MYCBP2: variants seen among roughly 807,000 people sequenced by gnomAD.
The protein encoded by MYCBP2 is E3 ubiquitin-protein ligase MYCBP2.
A neutral mutation model predicts 525.3 loss-of-function variants in MYCBP2; 120 were observed. The ratio of observed to expected loss-of-function variants is 0.23; its 90% CI spans 0.20 to 0.27. MYCBP2 has a LOEUF of 0.27. MYCBP2 is among the 10% of genes least tolerant of loss of function. MYCBP2 has a pLI of 1.00. For synonymous variants in MYCBP2, 1,894 were observed against 1,955.8 expected (o/e 0.97, Z 0.83); for missense variants, 4,149 against 5,657.1 (o/e 0.73, Z 8.55).
chr13:77,167,485 A>AAG (rs922440184), intron 40 of MYCBP2, among the ~76,000 whole-genome samples: 2 of 152,258 alleles, frequency 1.3e-5, no homozygotes, highest in African/African-American at 4.8e-5. Flanking sequence ...AGGGAACAAA[A>AAG]AGAGAGAGAG....
intron 55 of MYCBP2, among the ~76,000 whole-genome samples, chr13:77,117,547 G>T (rs1017844188): frequency 2.6e-5 from 4 of 152,122 alleles, no homozygotes; most frequent in Non-Finnish European, 5.9e-5. Flanking sequence ...ACCTAAGTGT[G>T]AATGTACTTT....
intron 46 of MYCBP2, among the ~76,000 whole-genome samples, chr13:77,151,892 G>A (rs1284657037): frequency 6.6e-6 from 1 of 152,180 alleles, no homozygotes; most frequent in African/African-American, 2.4e-5. Context: ...AACCACAAAT[G>A]TACACACAAT....
chr13:77,084,037 T>A (rs1427250779), intron 62 of MYCBP2, among the ~76,000 whole-genome samples: 1 of 152,212 alleles, frequency 6.6e-6, no homozygotes, highest in African/African-American at 2.4e-5. Context: ...CTGCATAGTA[T>A]TCTGATGAAT....
chr13:77,166,331 G>T lies in MYCBP2; in HGVS notation c.6338C>A (p.Pro2113Gln). 6.3e-7 allele frequency: 1 copy of T among 1,584,114 alleles called. No homozygotes were observed. Among genetic ancestry groups the T allele is most frequent in the Non-Finnish European group, 8.6e-7 (1 of 1,167,392 alleles). Residue 2113 changes from proline to glutamine, a missense_variant and splice_region_variant, in exon 41 of 83, where the codon CCA becomes CAA. Physicochemically the swap from Pro to Gln is moderately conservative, Grantham distance 76. Transcript: ENST00000544440. ...AACAGAAGAAAAAAAAAACTTACCT[G>T]GCAACACCAAAACCATAGTAGGCCA... ...SGWPTMVLVL[P>Q]GNEALFSLET...
chr13:77,326,993 C>G lies in MYCBP2; in HGVS notation c.-218G>C. 1 of 452,542 alleles carries G rather than the reference C, an allele frequency of 2.2e-6. No homozygotes were observed. The allele number at this position is 452,542 out of a possible 1,614,324, so 28.0% of individuals were successfully genotyped here. A position where few individuals can be genotyped will look rare whatever the true frequency, so the allele number is the denominator to read the frequency against. ...GCCGCTACTGGGGCCGCTCATCTAACCCCGCCACCCCGGGAATGTGAGGAG... is the reference window on the plus strand; with the variant it reads ...GCCGCTACTGGGGCCGCTCATCTAAGCCCGCCACCCCGGGAATGTGAGGAG... On this transcript the variant is annotated 5_prime_UTR_variant, in exon 1 of 83. Transcript: ENST00000544440. This position sits in a 1 kb window ranked among gnomAD's most constrained non-coding sequence, Gnocchi z 4.2.
rs200496039 is a variant in MYCBP2, at chr13:77,267,404, A to T, written c.1357+437T>A. 7.8e-3 allele frequency among the ~76,000 whole-genome samples: 1,181 copies of T among 151,024 alleles called. 10 individuals are homozygous for T. The highest frequency in any genetic ancestry group is 0.053 in the East Asian group (272 of 5,166). ...AAACCCCTTTAACATAAAATAAAAT[A>T]AAATAAAATTAAATTAAATTAAATA... On this transcript the variant is annotated intron_variant, in intron 8 of 82. Coordinates refer to ENST00000544440, the MANE Select transcript of MYCBP2 (RefSeq NM_015057.5).
chr13:77,123,093 T>C (rs1169094819), intron 54 of MYCBP2, among the ~76,000 whole-genome samples: 2 of 152,214 alleles, frequency 1.3e-5, no homozygotes, highest in Non-Finnish European at 2.9e-5. Context: ...AAAGCTTTTG[T>C]TTTACTCACA....
At chr13:77,051,515 T>C (rs919395264) in intron 81 of MYCBP2, among the ~76,000 whole-genome samples, 5 of 152,162 alleles carry the variant, frequency 3.3e-5, no homozygotes, top group African/African-American at 1.2e-4. Flanking sequence ...AACATTTCAC[T>C]GAAGAGGGGA....
chr13:77,325,175 A>G (rs2082135718), intron 1 of MYCBP2, among the ~76,000 whole-genome samples: 1 of 152,248 alleles, frequency 6.6e-6, no homozygotes, highest in Non-Finnish European at 1.5e-5. Context: ...CCAACAGATA[A>G]GCCATGATAC....
At chr13:77,086,451 G>C (rs1421532442) in intron 62 of MYCBP2, among the ~76,000 whole-genome samples, 1 of 151,960 alleles carries the variant, frequency 6.6e-6, no homozygotes, top group Non-Finnish European at 1.5e-5. Context: ...TCTGCTTGGG[G>C]TTTACTGGGC....
Position 77,081,875 on chromosome 13 carries a change from T to C in MYCBP2, c.11155A>G (p.Ser3719Gly). ...TCAAAGCCAGACTGTATACTGATGCTAAAACTCTCTTCACTATCGCCATCA... is the reference window on the plus strand; with the variant it reads ...TCAAAGCCAGACTGTATACTGATGCCAAAACTCTCTTCACTATCGCCATCA... ...SDDGDSEESF[S>G]ISIQSGFEAM... The change falls in exon 64 of 83, where the codon AGC becomes GGC. Residue 3719 changes from serine (S) to glycine (G), a missense_variant. Transcript: ENST00000544440. This position sits in a 1 kb window ranked among gnomAD's most constrained non-coding sequence, Gnocchi z 4.6. The C allele has an allele frequency of 6.2e-7, 1 of 1,613,726 alleles. No individual in the cohort carries two copies. The highest frequency in any genetic ancestry group is 8.5e-7 in the Non-Finnish European group (1 of 1,179,766).
intron 76 of MYCBP2, 31 bp downstream of exon 76, chr13:77,061,138 A>C: frequency 6.3e-7 from 1 of 1,579,626 alleles, no homozygotes; most frequent in Non-Finnish European, 8.6e-7. Flanking sequence ...TGTGGGTTTT[A>C]AAGGCATGGC....
rs539593054 is a variant in MYCBP2, at chr13:77,166,976, T to TACACACAC, written c.6115-430_6115-423dup. 2.3e-3 allele frequency among the ~76,000 whole-genome samples: 289 copies of TACACACAC among 127,174 alleles called. 3 individuals are homozygous for TACACACAC. The highest frequency in any genetic ancestry group is 8.6e-3 in the African/African-American group (273 of 31,572). The allele number at this position is 127,174 out of a possible 152,430, so 83.4% of individuals were successfully genotyped here. On this transcript the variant is annotated intron_variant, in intron 40 of 82. Coordinates refer to ENST00000544440, the MANE Select transcript of MYCBP2 (RefSeq NM_015057.5). ...ATACTTCAAAGACAAAACACACACA[T>TACACACAC]ACACACACACACACACACACACACA... is the stretch of plus-strand genomic sequence containing the variant.
intron 32 of MYCBP2, among the ~76,000 whole-genome samples, chr13:77,183,663 T>C (rs1160293717): frequency 6.9e-6 from 1 of 145,938 alleles, no homozygotes; most frequent in East Asian, 2.1e-4. Flanking sequence ...GCAATTCTCG[T>C]GCCTCAGCCT....
chr13:77,206,604 G>C, intron 24 of MYCBP2, 49 bp downstream of exon 24: 2 of 1,466,692 alleles, frequency 1.4e-6, no homozygotes, highest in Non-Finnish European at 1.8e-6. Flanking sequence ...AAAAACCCTG[G>C]ACAGCACACA....
At chr13:77,313,835 A>C (rs971763972) in intron 1 of MYCBP2, among the ~76,000 whole-genome samples, 2 of 152,134 alleles carry the variant, frequency 1.3e-5, no homozygotes, top group African/African-American at 4.8e-5. Flanking sequence ...ACTCAATTAA[A>C]GATGGGGCAA....
chr13:77,289,694 G>A (rs74095710), intron 2 of MYCBP2, among the ~76,000 whole-genome samples: 6,035 of 151,984 alleles, frequency 0.04, 420 homozygotes, highest in African/African-American at 0.14. Flanking sequence ...CCTATCTAGT[G>A]CAAGGAAAAT....
rs751211081 is a variant in MYCBP2 at position 77,212,067 on chromosome 13, C to T, written c.3151G>A (p.Ala1051Thr). ...TCCCCACTTGCACCTATCCAAGTAG[C>T]TTTTCTTCCATATTTTGATCCAATG... is the stretch of plus-strand genomic sequence containing the variant. The part of the protein sequence containing the change: ...PNIGSKYGRK[A>T]TWIGASGDQT... Residue 1051 changes from alanine (A) to threonine (T), a missense_variant, in exon 22 of 83, where the codon GCT becomes ACT. Ala to Thr is a moderately conservative substitution (Grantham distance 58, BLOSUM62 0). This residue lies in a region of MYCBP2 where 620 missense variants were observed against 795.5 expected (regional missense o/e 0.78). Coordinates refer to ENST00000544440, the MANE Select transcript of MYCBP2 (RefSeq NM_015057.5). The T allele has an allele frequency of 6.2e-7, 1 of 1,614,080 alleles. No homozygotes were observed. Among genetic ancestry groups the T allele is most frequent in the Admixed American group, 1.7e-5 (1 of 60,020 alleles).
At chr13:77,123,688 CT>C (rs1448987741) in intron 54 of MYCBP2, among the ~76,000 whole-genome samples, 1 of 152,176 alleles carries the variant, frequency 6.6e-6, no homozygotes, top group Admixed American at 6.5e-5. Flanking sequence ...CCTGGCAGTC[CT>C]GCTTCAGAAT....
Sources: allele counts gnomAD v4.1 joint callset (sites outside exome capture counted in the v4.1 genomes callset), GRCh38; gene constraint gnomAD v4.1.1; regional missense constraint gnomAD v4.1.1; non-coding constraint Gnocchi (gnomAD v3.1); transcripts MANE v1.5; gene names NCBI Gene and HGNC (gene_info 2026-07-23, HGNC 2026-07-21).